Variants in SHE observed in about 807,000 individuals in gnomAD.
The protein encoded by SHE is Src homology 2 domain containing E.
Under a neutral mutation model 49.8 loss-of-function variants are expected in SHE, and 11 were observed. The observed-to-expected ratio is 0.22, with a 90% CI of 0.14 to 0.37. SHE has a LOEUF of 0.37. Among genes scored for constraint, SHE ranks in the 10% least tolerant of loss-of-function variants. The pLI, the probability that SHE is intolerant of heterozygous loss-of-function variation, is 1.00. For missense variants in SHE, 624 were observed against 655.5 expected (o/e 0.95, Z 0.52); for synonymous variants, 310 against 278.1 (o/e 1.11, Z -1.14).
At position 154,489,181 on chromosome 1, in the gene SHE, T is replaced by A; in HGVS notation, c.894A>T (p.Glu298Asp). Residue 298 changes from glutamate (E) to aspartate (D), a missense_variant, in exon 3 of 6, where the codon GAA becomes GAT. Physicochemically the swap from Glu to Asp is conservative, Grantham distance 45 (BLOSUM62 2). Around this residue, in one of 4 missense-constraint regions of SHE, gnomAD observed 155 missense variants for 142.0 expected, o/e 1.09. Coordinates refer to ENST00000304760, the MANE Select transcript of SHE (RefSeq NM_001010846.3). ...CCTTCCCCTCTGCCCTGGGCCCCCC[T>A]TCTGCAGGCTCGTAGGGAGTGTCGT... Reference protein sequence around the residue: ...QLYDTPYEPAEGGPRAEGKAR... With the variant: ...QLYDTPYEPADGGPRAEGKAR... 6.2e-7 allele frequency: 1 copy of A among 1,614,168 alleles called. No individual in the cohort carries two copies. Among genetic ancestry groups the A allele is most frequent in the Non-Finnish European group, 8.5e-7 (1 of 1,180,028 alleles).
In SHE at chr1:154,482,713, TG is replaced by T. The variant is rs1317194461; in HGVS notation, c.*1435del. The T allele has an allele frequency of 3.0e-6, 3 of 985,252 alleles. No individual in the cohort carries two copies. Among genetic ancestry groups the T allele is most frequent in the Non-Finnish European group, 3.6e-6 (3 of 829,924 alleles). The allele number at this position is 985,252 out of a possible 1,614,324, so 61.0% of individuals were successfully genotyped here. On this transcript the variant is annotated 3_prime_UTR_variant, in exon 6 of 6. Transcript: ENST00000304760. The stretch of plus-strand genomic sequence containing the variant: ...ATGGTTTTTTTCACAGTAAATAAAC[TG>T]GTGATATAAGCTCATGATAAATCAT...
chr1:154,481,037 G>A lies in SHE; in HGVS notation c.*3112C>T, dbSNP rs142946149. 393 of 985,410 alleles carry A rather than the reference G, an allele frequency of 4.0e-4. 2 individuals are homozygous for A. In the African/African-American group the frequency reaches 5.6e-3, roughly 14 times the overall value. The allele number at this position is 985,410 out of a possible 1,614,324, so 61.0% of individuals were successfully genotyped here. A position where few individuals can be genotyped will look rare whatever the true frequency, so the allele number is the denominator to read the frequency against. The stretch of plus-strand genomic sequence containing the variant: ...AATATCCTGGGAGATGGAATAACTC[G>A]AAGGAATGAGGACTACAGGAAAATA... On this transcript the variant is annotated 3_prime_UTR_variant, in exon 6 of 6. Coordinates refer to ENST00000304760, the MANE Select transcript of SHE (RefSeq NM_001010846.3).
Position 154,502,063 on chromosome 1 carries a change from C to A in SHE, c.-37G>T, listed in dbSNP as rs1692799423. 2 of 1,256,958 alleles carry A rather than the reference C, an allele frequency of 1.6e-6. No individual in the cohort carries two copies. 77.9% of individuals were successfully genotyped at this position (1,256,958 alleles called of 1,614,324 possible). On this transcript the variant is annotated 5_prime_UTR_variant, in exon 1 of 6. Coordinates refer to ENST00000304760, the MANE Select transcript of SHE (RefSeq NM_001010846.3). ...GGGGCGCTGGAGGCCGCGGCGAGGC[C>A]CCGCGACGGCTGCTCCGTGCGCCCC...
At position 154,497,650 on chromosome 1, in the gene SHE, T is replaced by C. The variant is rs149623677; in HGVS notation, c.718+1462A>G. Among the ~76,000 whole-genome samples, 358 of 152,304 alleles carry C rather than the reference T, an allele frequency of 2.4e-3. 1 individual carries two copies. The highest frequency in any genetic ancestry group is 8.1e-3 in the African/African-American group (338 of 41,576). On this transcript the variant is annotated intron_variant, in intron 2 of 5. Coordinates refer to ENST00000304760, the MANE Select transcript of SHE (RefSeq NM_001010846.3). The stretch of plus-strand genomic sequence containing the variant: ...TTTGGTTTTAGGTGGTTGCCTTGAA[T>C]GGCTTGGTTTACACAGCAATGATTT...
Position 154,501,694 on chromosome 1 carries a change from C to T in SHE, c.333G>A (p.Leu111=), listed in dbSNP as rs1206664700. Residue 111 remains leucine (L), a synonymous_variant, in exon 1 of 6, where the codon CTG becomes CTA. Transcript: ENST00000304760. The part of the protein sequence containing the change: ...SRLSRDSLQG[L]IQAAAGKGRK... ...GGCCCTTGCCCGCGGCGGCCTGAAT[C>T]AGACCCTGCAGGCTGTCGCGGGACA... is the stretch of plus-strand genomic sequence containing the variant. 3.7e-6 allele frequency: 6 copies of T among 1,612,054 alleles called. No homozygotes were observed. The highest frequency in any genetic ancestry group is 4.2e-6 in the Non-Finnish European group (5 of 1,179,460).
At position 154,482,440 on chromosome 1, in the gene SHE, C is replaced by T. The variant is rs907145368; in HGVS notation, c.*1709G>A. On this transcript the variant is annotated 3_prime_UTR_variant, in exon 6 of 6. Coordinates refer to ENST00000304760, the MANE Select transcript of SHE (RefSeq NM_001010846.3). ...GAATAAAGAAGCAAAAATTTACTAA[C>T]CTCTAAATCTTACAGTCAAATGTAA... The T allele has an allele frequency of 1.0e-6, 1 of 985,192 alleles. No individual in the cohort carries two copies. The highest frequency in any genetic ancestry group is 1.2e-6 in the Non-Finnish European group (1 of 829,762). 61.0% of individuals were successfully genotyped at this position (985,192 alleles called of 1,614,324 possible).
downstream of SHE, among the ~76,000 whole-genome samples, chr1:154,477,906 A>G (rs112066188): frequency 9.2e-3 from 1,390 of 151,212 alleles, 23 homozygotes; most frequent in African/African-American, 0.031. Context: ...AAAAAAAAAA[A>G]AAAGAAAGAA....
Position 154,486,550 on chromosome 1 carries a change from C to A in SHE, c.1158G>T (p.Pro386=). The part of the protein sequence containing the change: ...SDHSEGEKVD[P]GLPLEKQPWY... ...ACGGCTGCTTCTCCAGGGGCAGGCC[C>A]GGGTCCACTTTCTCTCCCTCACTGT... Residue 386 remains proline (P), a synonymous_variant, in exon 4 of 6, where the codon CCG becomes CCT. Coordinates refer to ENST00000304760, the MANE Select transcript of SHE (RefSeq NM_001010846.3). The A allele has an allele frequency of 6.2e-7, 1 of 1,614,122 alleles. No individual in the cohort carries two copies. Among genetic ancestry groups the A allele is most frequent in the Admixed American group, 1.7e-5 (1 of 60,010 alleles).
At chr1:154,474,212 G>A (rs945913132) in intron 1 of SHE, among the ~76,000 whole-genome samples, 1 of 152,254 alleles carries the variant, frequency 6.6e-6, no homozygotes, top group African/African-American at 2.4e-5. Flanking sequence ...TTATCAGTGT[G>A]AGCTGGGGCT....
chr1:154,484,552 T>C (rs1318537141), intron 5 of SHE: 2 of 457,648 alleles, frequency 4.4e-6, no homozygotes, highest in African/African-American at 2.0e-5. Flanking sequence ...TTATCACATA[T>C]GAGTCATCAG....
chr1:154,498,596 C>G (rs1473695282), intron 2 of SHE, among the ~76,000 whole-genome samples: 1 of 151,416 alleles, frequency 6.6e-6, no homozygotes, highest in Admixed American at 6.6e-5. Context: ...TGGGGTTTCA[C>G]TATGTTGGCC....
intron 1 of SHE, among the ~76,000 whole-genome samples, chr1:154,471,002 T>G (rs1334152468): frequency 2.2e-5 from 3 of 137,884 alleles, no homozygotes; most frequent in Admixed American, 7.7e-5. Flanking sequence ...AAAGAGTGAG[T>G]GAGACTCCAT....
chr1:154,475,485 CCAAACCTCTG>C (rs527650754), downstream of SHE, among the ~76,000 whole-genome samples: 63 of 152,328 alleles, frequency 4.1e-4, no homozygotes, highest in African/African-American at 1.5e-3. Flanking sequence ...CCATGCCCAG[CCAAACCTCTG>C]CAATGTTCTA....
At chr1:154,495,816 A>C (rs1469043472) in intron 2 of SHE, among the ~76,000 whole-genome samples, 8 of 152,212 alleles carry the variant, frequency 5.3e-5, no homozygotes, top group Admixed American at 5.2e-4. Flanking sequence ...AGATATTGTT[A>C]AAACCAGGCC....
At chr1:154,496,819 T>C (rs1002449078) in intron 2 of SHE, among the ~76,000 whole-genome samples, 9 of 152,146 alleles carry the variant, frequency 5.9e-5, no homozygotes, top group African/African-American at 2.2e-4. Flanking sequence ...CATTTCCTCT[T>C]ATCAGTGCAG....
chr1:154,483,749 G>C lies in SHE; in HGVS notation c.*400C>G. On this transcript the variant is annotated 3_prime_UTR_variant, in exon 6 of 6. Coordinates refer to ENST00000304760, the MANE Select transcript of SHE (RefSeq NM_001010846.3). ...GCTCATGCCTGTAATCCAGGCACTC[G>C]GGGAGACTGAGGTGGGTGGATCATT... The C allele has an allele frequency of 1.0e-6, 1 of 999,648 alleles. No individual in the cohort carries two copies. The highest frequency in any genetic ancestry group is 1.7e-5 in the African/African-American group (1 of 57,652). The allele number at this position is 999,648 out of a possible 1,614,324, so 61.9% of individuals were successfully genotyped here. A position where few individuals can be genotyped will look rare whatever the true frequency, so the allele number is the denominator to read the frequency against.
At position 154,479,807 on chromosome 1, in the gene SHE, C is replaced by T. The variant is rs147246009; in HGVS notation, c.*4342G>A. On this transcript the variant is annotated 3_prime_UTR_variant, in exon 6 of 6. Coordinates refer to ENST00000304760, the MANE Select transcript of SHE (RefSeq NM_001010846.3). The stretch of plus-strand genomic sequence containing the variant: ...ATACAATTTGAGATTCTAAATTACA[C>T]GATCCAGCCTTAGTCCAGGGACCTT... 5.1e-6 allele frequency: 5 copies of T among 985,378 alleles called. No individual in the cohort carries two copies. Among genetic ancestry groups the T allele is most frequent in the Admixed American group, 1.2e-4 (2 of 16,292 alleles). The allele number at this position is 985,378 out of a possible 1,614,324, so 61.0% of individuals were successfully genotyped here.
Position 154,481,285 on chromosome 1 carries a change from C to T in SHE, c.*2864G>A, listed in dbSNP as rs1692012257. On this transcript the variant is annotated 3_prime_UTR_variant, in exon 6 of 6. Coordinates refer to ENST00000304760, the MANE Select transcript of SHE (RefSeq NM_001010846.3). ...TCACAACCTCAAGAAGAAAATAGCT[C>T]ACTAACGCCCCCACCTCTGACTTCC... The T allele has an allele frequency of 1.0e-6, 1 of 985,298 alleles. No individual in the cohort carries two copies. The highest frequency in any genetic ancestry group is 1.7e-5 in the African/African-American group (1 of 57,216). 61.0% of individuals were successfully genotyped at this position (985,298 alleles called of 1,614,324 possible). A position where few individuals can be genotyped will look rare whatever the true frequency, so the allele number is the denominator to read the frequency against.
chr1:154,498,558 C>T (rs369894390), intron 2 of SHE, among the ~76,000 whole-genome samples: 2 of 151,720 alleles, frequency 1.3e-5, no homozygotes, highest in East Asian at 1.9e-4. Flanking sequence ...CCACCACACC[C>T]GGCTAATTTT....
Sources: allele counts gnomAD v4.1 joint callset (sites outside exome capture counted in the v4.1 genomes callset), GRCh38; gene constraint gnomAD v4.1.1; regional missense constraint gnomAD v4.1.1; transcripts MANE v1.5; gene names NCBI Gene and HGNC (gene_info 2026-07-23, HGNC 2026-07-21).